DSG2: variants seen among roughly 807,000 people sequenced by gnomAD.
The protein encoded by DSG2 is desmoglein-2.
A neutral mutation model predicts 75.6 loss-of-function variants in DSG2; 45 were observed. The observed-to-expected ratio is 0.60, with a 90% CI of 0.47 to 0.76. The LOEUF (loss-of-function observed/expected upper bound fraction) is 0.76. DSG2 is among the 30% of genes least tolerant of loss of function. DSG2 has a pLI of 0.00. For missense variants in DSG2, 1,267 were observed against 1,357.4 expected (o/e 0.93, Z 1.05); for synonymous variants, 429 against 483.9 (o/e 0.89, Z 1.49).
chr18:31,500,684 G>A (rs56848605), intron 1 of DSG2, among the ~76,000 whole-genome samples: 13,480 of 152,142 alleles, frequency 0.089, 1,574 homozygotes, highest in African/African-American at 0.27. Context: ...CCTCAGCAGT[G>A]CAGGGAGACA....
At chr18:31,499,472 C>G (rs1451590889) in intron 1 of DSG2, among the ~76,000 whole-genome samples, 8 of 152,068 alleles carry the variant, frequency 5.3e-5, no homozygotes, top group African/African-American at 1.9e-4. Context: ...TTAGGGCGTC[C>G]AGGCCTAGCA....
rs1382430464 is a variant in DSG2, at chr18:31,538,750, G to A, written c.1652-1G>A. ...TTTCCTTCTGCCTCCCAACCTTGTAGGTACCAGTGTGCTGCTGCAACAAAG... is the reference window on the plus strand; with the variant it reads ...TTTCCTTCTGCCTCCCAACCTTGTAAGTACCAGTGTGCTGCTGCAACAAAG... On this transcript the variant is annotated splice_acceptor_variant, in intron 11 of 14. Transcript: ENST00000261590. LOFTEE classifies it high-confidence loss of function. 2 of 1,613,738 alleles carry A rather than the reference G, an allele frequency of 1.2e-6. No individual in the cohort carries two copies. The highest frequency in any genetic ancestry group is 1.7e-6 in the Non-Finnish European group (2 of 1,179,752).
Position 31,546,440 on chromosome 18 carries a change from AAG to A in DSG2, c.3061_3062del (p.Ser1021LeufsTer16), listed in dbSNP as rs397516706. 5 of 1,614,034 alleles carry A rather than the reference AAG, an allele frequency of 3.1e-6. No individual in the cohort carries two copies. In the African/African-American group the frequency reaches 5.3e-5, roughly 17 times the overall value. On this transcript the variant is annotated frameshift_variant, in exon 15 of 15. Transcript: ENST00000261590. LOFTEE classifies it low-confidence loss of function (END_TRUNC). The part of the protein sequence containing the change: ...QDVPYVMVRE[R>X]ESFLAPSSGV... ...ATGTACCTTACGTCATGGTGAGGGA[AAG>A]AGAGAGCTTCCTTGCCCCCAGCTCA...
At chr18:31,527,598 CA>C (rs1389287849) in intron 8 of DSG2, among the ~76,000 whole-genome samples, 1 of 152,066 alleles carries the variant, frequency 6.6e-6, no homozygotes, top group African/African-American at 2.4e-5. Context: ...GGAATTTAGA[CA>C]AAAAAGATAT....
chr18:31,509,210 A>T (rs1255155669), intron 1 of DSG2, among the ~76,000 whole-genome samples: 2 of 152,206 alleles, frequency 1.3e-5, no homozygotes, highest in East Asian at 3.8e-4. Context: ...AAATTCTATG[A>T]GTTAATAAAA....
intron 9 of DSG2, among the ~76,000 whole-genome samples, chr18:31,532,051 GCTGC>G (rs1414827493): frequency 6.6e-6 from 1 of 152,204 alleles, no homozygotes; most frequent in Non-Finnish European, 1.5e-5. Flanking sequence ...CAGTGCCAGA[GCTGC>G]CTGGTTGCTT....
intron 1 of DSG2, among the ~76,000 whole-genome samples, chr18:31,517,804 G>GT (rs371028202): frequency 6.6e-6 from 1 of 151,984 alleles, no homozygotes; most frequent in South Asian, 2.1e-4. Flanking sequence ...TGTGGTGTGT[G>GT]TTTTTTTGTG....
Position 31,519,892 on chromosome 18 carries a change from T to A in DSG2, c.171T>A (p.Ala57=). ...GCGCCTGGATCACCGCCCCCGTGGC[T>A]CTTCGGGAGGGAGAGGATCTGTCCA... ...QKRAWITAPV[A]LREGEDLSKK... Residue 57 remains alanine (A), a synonymous_variant, in exon 3 of 15, where the codon GCT becomes GCA. Coordinates refer to ENST00000261590, the MANE Select transcript of DSG2 (RefSeq NM_001943.5). 2 of 1,614,188 alleles carry A rather than the reference T, an allele frequency of 1.2e-6. No homozygotes were observed. The highest frequency in any genetic ancestry group is 2.2e-5 in the South Asian group (2 of 91,082).
At chr18:31,499,367 T>C (rs60863129) in intron 1 of DSG2, among the ~76,000 whole-genome samples, 7 of 97,860 alleles carry the variant, frequency 7.2e-5, no homozygotes, top group South Asian at 3.2e-4. Context: ...CGTGTGTGTG[T>C]GTGTGTGTGT....
chr18:31,538,112 A>T (rs1322948253), intron 11 of DSG2, among the ~76,000 whole-genome samples: 1 of 152,124 alleles, frequency 6.6e-6, no homozygotes, highest in Non-Finnish European at 1.5e-5. Flanking sequence ...AGAAACTTTA[A>T]AAAAAAGAAA....
intron 1 of DSG2, among the ~76,000 whole-genome samples, chr18:31,501,421 G>A (rs1245353020): frequency 3.3e-5 from 5 of 152,182 alleles, no homozygotes; most frequent in Non-Finnish European, 4.4e-5. Flanking sequence ...CTGCTGTAAC[G>A]AAGTGCTAAA....
At chr18:31,515,970 A>G (rs1325829582) in intron 1 of DSG2, among the ~76,000 whole-genome samples, 1 of 152,228 alleles carries the variant, frequency 6.6e-6, no homozygotes, top group Non-Finnish European at 1.5e-5. Context: ...AGATGGGAAA[A>G]GGCAAACAAC....
intron 9 of DSG2, 65 bp downstream of exon 9, chr18:31,531,317 C>A: frequency 6.4e-7 from 1 of 1,566,034 alleles, no homozygotes; most frequent in South Asian, 1.1e-5. Flanking sequence ...TTTCAAAAAT[C>A]ATAATCAAAT....
At chr18:31,525,001 C>T (rs2073155418) in intron 8 of DSG2, 113 bp downstream of exon 8, 2 of 1,022,258 alleles carry the variant, frequency 2.0e-6, no homozygotes, top group Admixed American at 2.0e-5. Flanking sequence ...TTAACTAGCA[C>T]TACAGTTGTT....
chr18:31,548,339 T>C lies in DSG2; in HGVS notation c.*1596T>C, dbSNP rs549396103. 1.4e-4 allele frequency: 21 copies of C among 152,360 alleles called. No homozygotes were observed. The highest frequency in any genetic ancestry group is 1.4e-3 in the Admixed American group (21 of 15,308). 9.4% of individuals were successfully genotyped at this position (152,360 alleles called of 1,614,324 possible). A position where few individuals can be genotyped will look rare whatever the true frequency, so the allele number is the denominator to read the frequency against. On this transcript the variant is annotated 3_prime_UTR_variant, in exon 15 of 15. Transcript: ENST00000261590. ...AACAATTTTCATAATTTTCAAAGAC[T>C]AATTTCTTGACTGAAGATATTTTGC...
At chr18:31,541,548 C>G (rs1245323165) in intron 13 of DSG2, among the ~76,000 whole-genome samples, 1 of 152,126 alleles carries the variant, frequency 6.6e-6, no homozygotes. Flanking sequence ...GAATGTAGAG[C>G]AAGGTTCAGG....
chr18:31,533,074 C>T (rs181564833), intron 9 of DSG2, among the ~76,000 whole-genome samples: 28 of 152,242 alleles, frequency 1.8e-4, no homozygotes, highest in African/African-American at 4.1e-4. Context: ...GTCTTAAAGA[C>T]CAGCTCAAAC....
At chr18:31,519,723 T>C in intron 2 of DSG2, 80 bp from the exon 3 acceptor site, 1 of 1,495,024 alleles carries the variant, frequency 6.7e-7, no homozygotes, top group African/African-American at 1.4e-5. Flanking sequence ...TATTTAAAAG[T>C]TTATTATGTT....
chr18:31,509,470 C>G (rs1250965041), intron 1 of DSG2, among the ~76,000 whole-genome samples: 1 of 151,098 alleles, frequency 6.6e-6, no homozygotes, highest in African/African-American at 2.4e-5. Context: ...AATATAATTA[C>G]ATATTTAAAT....
Sources: gnomAD v4.1 joint callset for allele counts (sites outside exome capture counted in the v4.1 genomes callset) on GRCh38, gnomAD v4.1.1 for gene constraint, MANE v1.5 for transcripts, NCBI Gene and HGNC (gene_info 2026-07-23, HGNC 2026-07-21) for gene names.